Variants in REPS2 observed in about 807,000 individuals in gnomAD.
REPS2 encodes the protein RALBP1 associated Eps domain containing 2.
Under a neutral mutation model 53.6 loss-of-function variants are expected in REPS2, and 23 were observed. The ratio of observed to expected loss-of-function variants is 0.43; its 90% CI spans 0.31 to 0.61. The LOEUF (loss-of-function observed/expected upper bound fraction) is 0.61. Among genes scored for constraint, REPS2 ranks in the 20% least tolerant of loss-of-function variants. The pLI, the probability that REPS2 is intolerant of heterozygous loss-of-function variation, is 0.11. For missense variants in REPS2, 446 were observed against 534.9 expected, an observed-to-expected ratio of 0.83 and a Z score of 1.64; for synonymous variants, 238 against 218.6, an observed-to-expected ratio of 1.09 and a Z score of -0.78.
At chrX:17,030,524 A>C (rs1239128968) in intron 5 of REPS2, among the ~76,000 whole-genome samples, 2 of 111,698 alleles carry the variant, frequency 1.8e-5, no homozygotes, top group African/African-American at 3.3e-5. Flanking sequence ...GAATAGGATA[A>C]ACAAAGTCTA....
chrX:17,005,845 T>C (rs2288304), intron 1 of REPS2, among the ~76,000 whole-genome samples: 41,024 of 111,100 alleles, frequency 0.37, 6,177 homozygotes, highest in East Asian at 0.87. Flanking sequence ...GTAGTGGTAA[T>C]GACTAATCTG....
At chrX:17,171,640 C>G in the REPS2 span, among the ~76,000 whole-genome samples, 3 of 110,974 alleles carry the variant, frequency 2.7e-5, 1 homozygote, top group East Asian at 8.5e-4. Flanking sequence ...CTACCTCAGC[C>G]TCCCTAGTAG....
At chrX:17,144,756 G>A (rs1447897604) in intron 17 of REPS2, among the ~76,000 whole-genome samples, 1 of 112,006 alleles carries the variant, frequency 8.9e-6, no homozygotes, top group Non-Finnish European at 1.9e-5. Context: ...TTTCCTAAGG[G>A]GGACCCTGCT....
intron 8 of REPS2, among the ~76,000 whole-genome samples, chrX:17,056,041 T>A (rs2062066216): frequency 9.0e-6 from 1 of 110,769 alleles, no homozygotes; most frequent in African/African-American, 3.3e-5. Flanking sequence ...ACAAAAAAAC[T>A]TTTGTTTCTT....
intron 13 of REPS2, among the ~76,000 whole-genome samples, chrX:17,098,122 T>A (rs2062733289): frequency 9.0e-6 from 1 of 111,464 alleles, no homozygotes; most frequent in South Asian, 3.7e-4. Flanking sequence ...ATGAAGATAG[T>A]TGCAAAAATC....
chrX:17,011,910 C>T (rs747551562), intron 2 of REPS2, among the ~76,000 whole-genome samples: 2 of 102,093 alleles, frequency 2.0e-5, no homozygotes, highest in African/African-American at 7.2e-5. Flanking sequence ...TGCAGTGAGT[C>T]GAGATTGTGC....
intron 1 of REPS2, among the ~76,000 whole-genome samples, chrX:16,969,688 C>T (rs1482987155): frequency 9.3e-6 from 1 of 107,427 alleles, no homozygotes; most frequent in Non-Finnish European, 1.9e-5. Flanking sequence ...ACAGTCCAGA[C>T]TCCCACGGCA....
chrX:16,951,500 T>TACACACACACAC (rs1157042780), intron 1 of REPS2, among the ~76,000 whole-genome samples: 55 of 60,115 alleles, frequency 9.1e-4, no homozygotes, highest in African/African-American at 1.9e-3. Flanking sequence ...AAACCCCATC[T>TACACACACACAC]ACACACACAC....
intron 1 of REPS2, among the ~76,000 whole-genome samples, chrX:16,990,196 T>A (rs1438661971): frequency 8.9e-6 from 1 of 111,832 alleles, no homozygotes; most frequent in Non-Finnish European, 1.9e-5. Flanking sequence ...GTGGTTTAAA[T>A]ACCATATGAT....
At chrX:17,011,928 C>T (rs1422951234) in intron 2 of REPS2, among the ~76,000 whole-genome samples, 1 of 101,934 alleles carries the variant, frequency 9.8e-6, no homozygotes, top group Non-Finnish European at 2.0e-5. Context: ...TGCCACTGCA[C>T]TCCAGCCTGG....
In REPS2 at chrX:17,022,268, A is replaced by G. The variant is rs748948642; in HGVS notation, c.543A>G (p.Lys181=). 1 of 1,206,367 alleles carries G rather than the reference A, an allele frequency of 8.3e-7. No individual in the cohort carries two copies. Among genetic ancestry groups the G allele is most frequent in the Admixed American group, 2.2e-5 (1 of 45,433 alleles). The change falls in exon 3 of 18, where the codon AAA becomes AAG. Residue 181 remains lysine (K), a synonymous_variant. Coordinates refer to ENST00000357277, the MANE Select transcript of REPS2 (RefSeq NM_004726.3). The part of the protein sequence containing the change: ...NSFKRMDDED[K]QQETQSPTMS... ...TCAAAAGAATGGACGATGAGGATAA[A>G]CAGGTAAACAGTTTGTTCAGATGTG...
chrX:16,965,190 T>C (rs2060735779), intron 1 of REPS2, among the ~76,000 whole-genome samples: 1 of 91,428 alleles, frequency 1.1e-5, no homozygotes, highest in African/African-American at 4.2e-5. Context: ...GCAGAGTGGC[T>C]CCTCACTTCC....
intron 2 of REPS2, among the ~76,000 whole-genome samples, chrX:17,020,907 A>C (rs2061567511): frequency 8.9e-6 from 1 of 112,112 alleles, no homozygotes; most frequent in Admixed American, 9.5e-5. Context: ...CTGGAATTAT[A>C]GGCGTAAGTG....
At chrX:17,017,270 C>T (rs1238025809) in intron 2 of REPS2, among the ~76,000 whole-genome samples, 2 of 112,042 alleles carry the variant, frequency 1.8e-5, no homozygotes, top group Non-Finnish European at 3.8e-5. Context: ...CTGCTCCTGG[C>T]TCAATATATT....
chrX:17,054,078 A>G (rs2147934565), intron 7 of REPS2, among the ~76,000 whole-genome samples: 1 of 112,249 alleles, frequency 8.9e-6, no homozygotes, highest in East Asian at 2.8e-4. Context: ...TTGGCAAATA[A>G]GTTTCTTTTG....
intron 2 of REPS2, among the ~76,000 whole-genome samples, chrX:17,015,468 T>A (rs1388048017): frequency 1.8e-5 from 2 of 111,083 alleles, no homozygotes; most frequent in Non-Finnish European, 3.8e-5. Flanking sequence ...CGTGCAGGTT[T>A]GTTACATATG....
intron 5 of REPS2, among the ~76,000 whole-genome samples, chrX:17,038,994 G>C (rs1055057329): frequency 8.9e-6 from 1 of 112,281 alleles, no homozygotes; most frequent in Non-Finnish European, 1.9e-5. Flanking sequence ...ATTCTCCAAA[G>C]CATTCTTGAA....
intron 5 of REPS2, among the ~76,000 whole-genome samples, chrX:17,037,579 G>A (rs2061782038): frequency 8.9e-6 from 1 of 112,730 alleles, no homozygotes; most frequent in Non-Finnish European, 1.9e-5. Flanking sequence ...GCCTCCCAAA[G>A]TACTAGGATT....
Position 17,103,734 on chromosome X carries a change from G to C in REPS2, c.1533G>C (p.Leu511Phe). The C allele has an allele frequency of 8.3e-7, 1 of 1,210,941 alleles. No homozygotes were observed. The highest frequency in any genetic ancestry group is 1.1e-6 in the Non-Finnish European group (1 of 894,997). Residue 511 changes from leucine (L) to phenylalanine (F), a missense_variant, in exon 14 of 18, where the codon TTG (leucine) becomes TTC (phenylalanine). Leu to Phe is a conservative substitution (Grantham distance 22). Transcript: ENST00000357277. ...TCTTTTCAGCTACCAAGTCAGGATT[G>C]TTACCCCCACCACCTGCGCTCCCTC... is the stretch of plus-strand genomic sequence containing the variant. Reference protein sequence around the residue: ...QPSVPATKSGLLPPPPALPPR... With the variant: ...QPSVPATKSGFLPPPPALPPR...
Sources: gnomAD v4.1 joint callset for allele counts (sites outside exome capture counted in the v4.1 genomes callset) on GRCh38, gnomAD v4.1.1 for gene constraint, MANE v1.5 for transcripts, NCBI Gene and HGNC (gene_info 2026-07-23, HGNC 2026-07-21) for gene names.